Variants in MSH6 observed in about 807,000 individuals in gnomAD.
MSH6 encodes DNA mismatch repair protein Msh6.
MSH6 carries 85 observed loss-of-function variants against 119.1 expected under a neutral mutation model. The observed-to-expected ratio is 0.71, with a 90% confidence interval of 0.60 to 0.85. The LOEUF (loss-of-function observed/expected upper bound fraction) is 0.85. MSH6 is among the 40% of genes least tolerant of loss of function. MSH6 has a pLI of 0.00. For synonymous variants in MSH6, 830 were observed against 586.9 expected (o/e 1.41, Z -5.99); for missense variants, 2,163 against 1,655.3 (o/e 1.31, Z -5.32).
At chr2:47,809,673 T>C (rs1352490704), downstream of MSH6, 17 of 1,613,466 alleles carry the variant, frequency 1.1e-5, no homozygotes, top group East Asian at 2.2e-5. Flanking sequence ...GATTGCCTTC[T>C]AGTGTTGCAG....
Position 47,800,494 on chromosome 2 carries a change from C to G in MSH6, c.2511C>G (p.His837Gln), listed in dbSNP as rs587779925. The G allele has an allele frequency of 5.5e-5, 89 of 1,612,826 alleles. No homozygotes were observed. Among genetic ancestry groups the G allele is most frequent in the African/African-American group, 9.4e-5 (7 of 74,728 alleles). Residue 837 changes from histidine to glutamine, a missense_variant, in exon 4 of 10, where the codon CAC becomes CAG. His to Gln is a conservative substitution (Grantham distance 24). Coordinates refer to ENST00000234420, the MANE Select transcript of MSH6 (RefSeq NM_000179.3). ...NVGSPLKSQN[H>Q]PDSRAIMYEE... ...GGTCTCCCCTGAAGAGTCAGAACCA[C>G]CCAGACAGCAGGGCTATAATGTATG...
intron 4 of MSH6, among the ~76,000 whole-genome samples, chr2:47,802,091 A>T (rs1669636869): frequency 6.6e-6 from 1 of 152,346 alleles, no homozygotes; most frequent in South Asian, 2.1e-4. Flanking sequence ...CAACATTTAA[A>T]AATTGTTTTA....
chr2:47,806,739 A>T (rs187485658), intron 9 of MSH6, 40 bp from the exon 10 acceptor site: 3 of 1,561,086 alleles, frequency 1.9e-6, no homozygotes, highest in Admixed American at 3.5e-5. Flanking sequence ...GCACTATGAA[A>T]AAACAAAAAA....
At chr2:47,795,462 A>AT (rs374584843) in intron 2 of MSH6, among the ~76,000 whole-genome samples, 9,403 of 117,080 alleles carry the variant, frequency 0.08, 528 homozygotes, top group African/African-American at 0.12. Context: ...ACATATATAC[A>AT]TTTTTTTTTT....
intron 3 of MSH6, chr2:47,798,138 T>C (rs1669210546): frequency 5.8e-6 from 1 of 171,786 alleles, no homozygotes; most frequent in South Asian, 1.3e-4. Context: ...GCATGGAAAA[T>C]GACAATTGTT....
chr2:47,803,068 G>A (rs1318791040), intron 4 of MSH6, among the ~76,000 whole-genome samples: 2 of 152,046 alleles, frequency 1.3e-5, no homozygotes, highest in African/African-American at 2.4e-5. Flanking sequence ...TATGCCACGT[G>A]TATTAGGCAC....
intron 1 of MSH6, among the ~76,000 whole-genome samples, chr2:47,787,711 G>T (rs927308973): frequency 6.6e-6 from 1 of 152,052 alleles, no homozygotes; most frequent in Non-Finnish European, 1.5e-5. Context: ...CGACCTATTC[G>T]GCTCAAGTGA....
rs1437555847 is a variant in MSH6 at position 47,803,416 on chromosome 2, A to G, written c.3173-4A>G. The G allele has an allele frequency of 6.2e-7, 1 of 1,614,016 alleles. No individual in the cohort carries two copies. The highest frequency in any genetic ancestry group is 1.3e-5 in the African/African-American group (1 of 74,902). On this transcript the variant is annotated splice_polypyrimidine_tract_variant and splice_region_variant and intron_variant, in intron 4 of 9. Transcript: ENST00000234420. ...AGCCTCACTTTTACCCTCTCTTTTA[A>G]CAGATGTTTTACTGTGCCTGGCTAA... is the stretch of plus-strand genomic sequence containing the variant.
chr2:47,783,160 A>T lies in MSH6; in HGVS notation c.-74A>T. ...GCCTCCCCCCAGATTTCCCGCCAGC[A>T]GGAGCCGCGCGGTAGATGCGGTGCT... On this transcript the variant is annotated 5_prime_UTR_variant, in exon 1 of 10. Transcript: ENST00000234420. 1 of 1,586,922 alleles carries T rather than the reference A, an allele frequency of 6.3e-7. No homozygotes were observed. The highest frequency in any genetic ancestry group is 8.6e-7 in the Non-Finnish European group (1 of 1,166,414).
intron 2 of MSH6, among the ~76,000 whole-genome samples, chr2:47,793,088 A>G (rs1389257059): frequency 2.0e-5 from 3 of 151,862 alleles, no homozygotes; most frequent in Non-Finnish European, 2.9e-5. Flanking sequence ...TGGAAGGCCA[A>G]GGCAGGTGGA....
intron 1 of MSH6, among the ~76,000 whole-genome samples, chr2:47,788,931 T>TGTTTTTTTTTG (rs1668550728): frequency 2.1e-5 from 2 of 93,552 alleles, no homozygotes; most frequent in African/African-American, 1.1e-4. Flanking sequence ...TGTTTTTTTT[T>TGTTTTTTTTTG]TTTTTTTTTT....
intron 4 of MSH6, 144 bp downstream of exon 4, chr2:47,801,299 C>T: frequency 2.7e-6 from 2 of 754,042 alleles, no homozygotes; most frequent in South Asian, 1.8e-5. Context: ...ACTAGGCTGC[C>T]CACAGCAATT....
At chr2:47,808,973 A>C (rs1670424000), downstream of MSH6, 5 of 474,060 alleles carry the variant, frequency 1.1e-5, no homozygotes, top group Non-Finnish European at 1.1e-5. Flanking sequence ...CTAGGATTAC[A>C]GGCATAAGCC....
At chr2:47,789,425 A>C (rs779937713) in intron 1 of MSH6, 5 of 469,968 alleles carry the variant, frequency 1.1e-5, no homozygotes, top group Non-Finnish European at 2.2e-5. Flanking sequence ...TTTCCTAGTG[A>C]GGATGCACAT....
downstream of MSH6, chr2:47,807,018 G>A: frequency 1.5e-6 from 1 of 660,708 alleles, no homozygotes; most frequent in Non-Finnish European, 2.7e-6. Context: ...TCTACATAAT[G>A]GTTATTGAAT....
rs587779271 is a variant in MSH6, at chr2:47,805,614, TA to T, written c.3557-2del. ...TATTCATTTGTGATTTTTTTTTTTT[TA>T]AGGTGAAAGTACATTTTTTGTTGAA... On this transcript the variant is annotated splice_polypyrimidine_tract_variant and splice_region_variant and intron_variant, in intron 6 of 9. Coordinates refer to ENST00000234420, the MANE Select transcript of MSH6 (RefSeq NM_000179.3). 25 of 1,597,900 alleles carry T rather than the reference TA, an allele frequency of 1.6e-5. No individual in the cohort carries two copies. Among genetic ancestry groups the T allele is most frequent in the Middle Eastern group, 1.7e-4 (1 of 5,980 alleles).
At chr2:47,809,920 A>T, downstream of MSH6, 1 of 536,474 alleles carries the variant, frequency 1.9e-6, no homozygotes, top group Non-Finnish European at 3.3e-6. Context: ...TTTCGCACCA[A>T]CCTAACTGTC....
At position 47,795,886 on chromosome 2, in the gene MSH6, C is replaced by G. The variant is rs372091232; in HGVS notation, c.458-8C>G. 3.7e-6 allele frequency: 6 copies of G among 1,612,954 alleles called. No individual in the cohort carries two copies. The highest frequency in any genetic ancestry group is 5.1e-6 in the Non-Finnish European group (6 of 1,179,342). ...GCCCTTATTGTTTATAAATACATTTCTTTCTAGGTTCAAAATCAAAGGAAG... is the reference window on the plus strand; with the variant it reads ...GCCCTTATTGTTTATAAATACATTTGTTTCTAGGTTCAAAATCAAAGGAAG... On this transcript the variant is annotated splice_polypyrimidine_tract_variant and splice_region_variant and intron_variant, in intron 2 of 9. Transcript: ENST00000234420.
Position 47,799,597 on chromosome 2 carries a change from T to C in MSH6, c.1614T>C (p.Tyr538=). The C allele has an allele frequency of 6.2e-7, 1 of 1,614,150 alleles. No homozygotes were observed. Among genetic ancestry groups the C allele is most frequent in the South Asian group, 1.1e-5 (1 of 91,088 alleles). ...ATCCCTCTGAGAACTACAGTAAGTATCTTCTTAGCCTCAAAGAAAAAGAGG... is the reference window on the plus strand; with the variant it reads ...ATCCCTCTGAGAACTACAGTAAGTACCTTCTTAGCCTCAAAGAAAAAGAGG... ...EGDPSENYSK[Y]LLSLKEKEED... Residue 538 remains tyrosine (Y), a synonymous_variant, in exon 4 of 10, where the codon TAT becomes TAC. Coordinates refer to ENST00000234420, the MANE Select transcript of MSH6 (RefSeq NM_000179.3).
Sources: allele counts gnomAD v4.1 joint callset (sites outside exome capture counted in the v4.1 genomes callset), GRCh38; gene constraint gnomAD v4.1.1; transcripts MANE v1.5; gene names NCBI Gene and HGNC (gene_info 2026-07-23, HGNC 2026-07-21).